VEPH1: variants seen among roughly 807,000 people sequenced by gnomAD.
VEPH1 encodes the protein ventricular zone-expressed PH domain-containing protein homolog 1.
Under a neutral mutation model 85.2 loss-of-function variants are expected in VEPH1, and 80 were observed. That is an observed-to-expected ratio of 0.94 (90% CI 0.78 to 1.13). The LOEUF is 1.13. VEPH1 is among the 50% of genes most tolerant of loss of function. The probability of loss-of-function intolerance (pLI) is 0.00; values close to 1 mark genes in which losing one functional copy is unlikely to be tolerated. For missense variants in VEPH1, 955 were observed against 980.5 expected, an observed-to-expected ratio of 0.97 and a Z score of 0.35; for synonymous variants, 297 against 348.0, an observed-to-expected ratio of 0.85 and a Z score of 1.63.
chr3:157,318,629 A>C (rs9855359), intron 9 of VEPH1, among the ~76,000 whole-genome samples: 100,985 of 148,962 alleles, frequency 0.68, 34,249 homozygotes, highest in East Asian at 0.78. Flanking sequence ...CAAAACAAAA[A>C]AAAAAAGAAA....
chr3:157,324,643 T>C (rs1336644643), intron 9 of VEPH1, among the ~76,000 whole-genome samples: 3 of 151,944 alleles, frequency 2.0e-5, no homozygotes, highest in African/African-American at 4.8e-5. Context: ...GCTCCATCCA[T>C]GTCCCTGCAA....
At chr3:157,410,681 C>T (rs913610704) in intron 6 of VEPH1, among the ~76,000 whole-genome samples, 3 of 152,120 alleles carry the variant, frequency 2.0e-5, no homozygotes, top group African/African-American at 4.8e-5. Flanking sequence ...ATATTTCAGG[C>T]ATTACAAATA....
At chr3:157,441,477 C>A (rs1174209168) in intron 4 of VEPH1, among the ~76,000 whole-genome samples, 1 of 152,078 alleles carries the variant, frequency 6.6e-6, no homozygotes, top group Admixed American at 6.5e-5. Context: ...AAAAACTCTG[C>A]AAAGTTTACA....
At chr3:157,478,667 G>A (rs1577761574) in intron 2 of VEPH1, among the ~76,000 whole-genome samples, 2 of 146,044 alleles carry the variant, frequency 1.4e-5, no homozygotes, top group East Asian at 2.0e-4. Flanking sequence ...ATTGTGTACA[G>A]GATCGTGTCA....
intron 2 of VEPH1, among the ~76,000 whole-genome samples, chr3:157,481,160 C>T (rs571447364): frequency 1.3e-5 from 2 of 151,858 alleles, no homozygotes; most frequent in African/African-American, 4.8e-5. Flanking sequence ...TTTTGCATGT[C>T]GAATTGTTTA....
chr3:157,413,887 C>A lies in VEPH1; in HGVS notation c.900G>T (p.Val300=). 6.2e-7 allele frequency: 1 copy of A among 1,613,024 alleles called. No individual in the cohort carries two copies. The change falls in exon 6 of 14, where the codon GTG becomes GTT. Residue 300 remains valine, a synonymous_variant. Transcript: ENST00000362010. ...MARIYGAVGH[V]DEERARSCLT... ...AGAAAAAAGCCAAACTTACTTCATCCACATGCCCAACAGCTCCATAAATCC... is the reference window on the plus strand; with the variant it reads ...AGAAAAAAGCCAAACTTACTTCATCAACATGCCCAACAGCTCCATAAATCC...
chr3:157,484,629 G>T (rs1310473444), intron 2 of VEPH1, among the ~76,000 whole-genome samples: 1 of 152,024 alleles, frequency 6.6e-6, no homozygotes, highest in Non-Finnish European at 1.5e-5. Flanking sequence ...TAGTTTCAAG[G>T]GTATTACACA....
chr3:157,406,994 A>AAC (rs1731188152), intron 6 of VEPH1, among the ~76,000 whole-genome samples: 1 of 117,026 alleles, frequency 8.5e-6, no homozygotes, highest in African/African-American at 3.4e-5. Context: ...TTGGCCTCCC[A>AAC]AAAAAAAAAA....
intron 9 of VEPH1, among the ~76,000 whole-genome samples, chr3:157,361,935 A>G (rs1726089373): frequency 1.3e-5 from 2 of 152,216 alleles, no homozygotes; most frequent in Non-Finnish European, 2.9e-5. Context: ...GATATTACTA[A>G]TTATTCCTTT....
At chr3:157,421,337 A>G (rs764143478) in intron 5 of VEPH1, among the ~76,000 whole-genome samples, 13 of 152,268 alleles carry the variant, frequency 8.5e-5, no homozygotes, top group Non-Finnish European at 1.5e-4. Flanking sequence ...AAGGGCATTC[A>G]GGACACATGA....
At chr3:157,307,149 C>T (rs1002084963) in intron 11 of VEPH1, among the ~76,000 whole-genome samples, 15 of 151,306 alleles carry the variant, frequency 9.9e-5, no homozygotes, top group Admixed American at 6.6e-5. Flanking sequence ...TAAAGTTACT[C>T]ACCCATCTTA....
intron 12 of VEPH1, among the ~76,000 whole-genome samples, chr3:157,265,911 TCTGTTAG>T (rs1166705086): frequency 6.6e-6 from 1 of 151,926 alleles, no homozygotes; most frequent in Non-Finnish European, 1.5e-5. Flanking sequence ...ACAAAGAGCA[TCTGTTAG>T]CAGTATTTAA....
chr3:157,442,808 A>G (rs925191489), intron 4 of VEPH1: 11 of 1,614,190 alleles, frequency 6.8e-6, no homozygotes, highest in Middle Eastern at 1.6e-4. Flanking sequence ...GCTTTGATGA[A>G]ACATTAGCCT....
chr3:157,346,266 C>T (rs1236455578), intron 9 of VEPH1, among the ~76,000 whole-genome samples: 1 of 152,072 alleles, frequency 6.6e-6, no homozygotes, highest in Non-Finnish European at 1.5e-5. Flanking sequence ...TTTCTATTAT[C>T]AGCAAAATAT....
chr3:157,461,225 A>G (rs1215450731), intron 3 of VEPH1, among the ~76,000 whole-genome samples: 9 of 152,244 alleles, frequency 5.9e-5, no homozygotes. Context: ...AAATTAGGGA[A>G]TAATATTTAG....
intron 11 of VEPH1, among the ~76,000 whole-genome samples, chr3:157,300,189 GA>G (rs370348594): frequency 1.3e-5 from 2 of 149,152 alleles, no homozygotes; most frequent in Admixed American, 6.7e-5. Context: ...AGCAGCAAAA[GA>G]AAAAAAAAGG....
intron 1 of VEPH1, among the ~76,000 whole-genome samples, chr3:157,501,750 A>G (rs1740137730): frequency 1.3e-5 from 2 of 152,194 alleles, no homozygotes; most frequent in Admixed American, 6.5e-5. Context: ...CTAGCTTGCA[A>G]CTTAGGTTAG....
At position 157,485,076 on chromosome 3, in the gene VEPH1, A is replaced by G. The variant is rs140473748; in HGVS notation, c.138+10136T>C. On this transcript the variant is annotated intron_variant, in intron 2 of 13. Coordinates refer to ENST00000362010, the MANE Select transcript of VEPH1 (RefSeq NM_001167912.2). ...TAGTGCCCAGTTATTATTTTGCAAG[A>G]AAATGTGGAATTGCTGTCATTCCCC... Among the ~76,000 whole-genome samples, 26 of 152,310 alleles carry G rather than the reference A, an allele frequency of 1.7e-4. No individual in the cohort carries two copies. In the East Asian group the frequency reaches 4.8e-3, roughly 28 times the overall value.
In VEPH1 at chr3:157,381,395, A is replaced by C; in HGVS notation, c.907-19T>G. ...CTCTCTCCTACCAAAAACAATGAAG[A>C]AAATAGGTTTATCTTTTAGAAGAAA... On this transcript the variant is annotated intron_variant, in intron 6 of 13. Coordinates refer to ENST00000362010, the MANE Select transcript of VEPH1 (RefSeq NM_001167912.2). The C allele has an allele frequency of 6.2e-7, 1 of 1,612,412 alleles. No individual in the cohort carries two copies. Among genetic ancestry groups the C allele is most frequent in the Non-Finnish European group, 8.5e-7 (1 of 1,178,550 alleles).
Sources: gnomAD v4.1 joint callset for allele counts (sites outside exome capture counted in the v4.1 genomes callset) on GRCh38, gnomAD v4.1.1 for gene constraint, MANE v1.5 for transcripts, NCBI Gene and HGNC (gene_info 2026-07-23, HGNC 2026-07-21) for gene names.